SPAG5: variants seen among roughly 807,000 people sequenced by gnomAD.
The protein encoded by SPAG5 is sperm-associated antigen 5.
In SPAG5, 99 loss-of-function variants were observed where a neutral mutation model predicts 145.4. That is an observed-to-expected ratio of 0.68 (90% CI 0.58 to 0.80). The LOEUF (loss-of-function observed/expected upper bound fraction) is 0.80. SPAG5 is among the 30% of genes least tolerant of loss of function. The probability of loss-of-function intolerance (pLI) is 0.00; values close to 1 mark genes in which losing one functional copy is unlikely to be tolerated. For missense variants in SPAG5, 1,192 were observed against 1,416.0 expected (o/e 0.84, Z 2.54); for synonymous variants, 477 against 525.4 (o/e 0.91, Z 1.26).
intron 2 of SPAG5, among the ~76,000 whole-genome samples, chr17:28,595,173 G>C (rs1170741630): frequency 1.3e-5 from 2 of 150,824 alleles, no homozygotes; most frequent in Admixed American, 6.6e-5. Context: ...CAGGAGAATC[G>C]CTTGAATCTG....
chr17:28,584,944 A>G (rs961890214), intron 10 of SPAG5, among the ~76,000 whole-genome samples, 158 bp downstream of exon 10: 2 of 152,250 alleles, frequency 1.3e-5, no homozygotes, highest in Non-Finnish European at 1.5e-5. Flanking sequence ...AGGGCAAAGG[A>G]AAAAACTGCG....
chr17:28,585,979 A>G lies in SPAG5; in HGVS notation c.1625T>C (p.Leu542Ser), dbSNP rs772008513. The change falls in exon 7 of 24, where the codon TTG becomes TCG. Residue 542 changes from leucine (L) to serine (S), a missense_variant. Physicochemically the swap from Leu to Ser is moderately radical, Grantham distance 145. Transcript: ENST00000321765. ...VSQESRRAET[L>S]VCCCFDLLKK... Reference sequence around the variant, plus strand: ...CAGCAAATCAAAACAGCAACAGACCAATGTTTCTGCACGCCGAGACTATAT... The same window carrying G: ...CAGCAAATCAAAACAGCAACAGACCGATGTTTCTGCACGCCGAGACTATAT... 3.9e-5 allele frequency: 63 copies of G among 1,614,112 alleles called. No homozygotes were observed. Among genetic ancestry groups the G allele is most frequent in the Non-Finnish European group, 5.1e-5 (60 of 1,180,048 alleles).
chr17:28,583,821 T>C lies in SPAG5; in HGVS notation c.2546+32A>G, dbSNP rs768920750. The stretch of plus-strand genomic sequence containing the variant: ...TGTTCCTGAGAAAAAAATAAGCACT[T>C]AGGGGGAAGTACAGAAAGTTAGAGA... On this transcript the variant is annotated intron_variant, in intron 14 of 23. Transcript: ENST00000321765. The C allele has an allele frequency of 9.4e-6, 15 of 1,592,416 alleles. No homozygotes were observed. The South Asian group carries it at 1.7e-4, about 18-fold the overall frequency.
intron 2 of SPAG5, among the ~76,000 whole-genome samples, chr17:28,594,675 A>G (rs1409860965): frequency 1.3e-5 from 2 of 152,224 alleles, no homozygotes; most frequent in Admixed American, 1.3e-4. Flanking sequence ...GGTTAGGTTA[A>G]AAAGGGCTTC....
intron 2 of SPAG5, among the ~76,000 whole-genome samples, chr17:28,596,893 G>A (rs561158660): frequency 2.0e-4 from 31 of 151,608 alleles, no homozygotes; most frequent in Non-Finnish European, 3.5e-4. Flanking sequence ...ATCACCTGAG[G>A]TCAGGAGTTC....
Position 28,585,610 on chromosome 17 carries a change from C to T in SPAG5, c.1784G>A (p.Arg595His), listed in dbSNP as rs762760271. ...TAGGTCCTGTTCCAGCTGGCTGATG[C>T]GCTGGCTGGCGTGTGCACAGAAAGC... Reference protein sequence around the residue: ...LEAFCAHASQRISQLEQDLAS... With the variant: ...LEAFCAHASQHISQLEQDLAS... The change falls in exon 8 of 24, where the codon CGC becomes CAC. Residue 595 changes from arginine to histidine, a missense_variant. Physicochemically the swap from Arg to His is conservative, Grantham distance 29. Transcript: ENST00000321765. 11 of 1,614,060 alleles carry T rather than the reference C, an allele frequency of 6.8e-6. No homozygotes were observed. The highest frequency in any genetic ancestry group is 2.2e-5 in the South Asian group (2 of 91,076).
Position 28,592,030 on chromosome 17 carries a change from A to G in SPAG5, c.1214T>C (p.Leu405Pro), listed in dbSNP as rs2070625096. The G allele has an allele frequency of 3.1e-6, 5 of 1,614,066 alleles. No homozygotes were observed. In the Admixed American group the frequency reaches 8.3e-5, roughly 27 times the overall value. ...EKSTNTSQTG[L>P]VGTKHSTSET... ...AGAAGTACTGTGCTTGGTGCCAACC[A>G]GGCCTGTCTGGGATGTGTTTGTACT... is the stretch of plus-strand genomic sequence containing the variant. The change falls in exon 3 of 24, where the codon CTG becomes CCG. Residue 405 changes from leucine (L) to proline (P), a missense_variant. Transcript: ENST00000321765.
chr17:28,579,623 G>T, intron 17 of SPAG5, 128 bp downstream of exon 17: 1 of 1,392,526 alleles, frequency 7.2e-7, no homozygotes, highest in Non-Finnish European at 1.0e-6. Context: ...GATCCCAGAA[G>T]GCAGAAATAA....
intron 23 of SPAG5, 53 bp downstream of exon 23, chr17:28,577,957 G>A (rs1244983084): frequency 6.7e-7 from 1 of 1,482,378 alleles, no homozygotes; most frequent in Non-Finnish European, 9.4e-7. Context: ...TACCTCCTGG[G>A]GCCAGGCCTT....
rs776076105 is a variant in SPAG5 at position 28,584,311 on chromosome 17, C to T, written c.2309+22G>A. ...CCTAAATCCTGGATGCCTACTGCCA[C>T]AGTACCCCGTTAGGAACTCACTGAG... is the stretch of plus-strand genomic sequence containing the variant. On this transcript the variant is annotated intron_variant, in intron 12 of 23. Transcript: ENST00000321765. 3.7e-6 allele frequency: 6 copies of T among 1,614,086 alleles called. No individual in the cohort carries two copies. In the Admixed American group the frequency reaches 8.3e-5, roughly 22 times the overall value.
At chr17:28,583,458 C>G in intron 15 of SPAG5, 53 bp downstream of exon 15, 1 of 1,503,334 alleles carries the variant, frequency 6.7e-7, no homozygotes, top group Non-Finnish European at 8.9e-7. Context: ...GGAAGACTAT[C>G]TGTAAAATAA....
At position 28,584,350 on chromosome 17, in the gene SPAG5, A is replaced by C. The variant is rs765170526; in HGVS notation, c.2292T>G (p.Asn764Lys). ...GAACTCACTGAGCAGCCTGCTCCTC[A>C]TTGCTCTGGGTAAGCTGGCAGAGTA... The part of the protein sequence containing the change: ...DELLCQLTQS[N>K]EEQAAQWQKE... The change falls in exon 12 of 24, where the codon AAT becomes AAG. Residue 764 changes from asparagine (N) to lysine (K), a missense_variant. By Grantham distance (94) the Asn-to-Lys change is moderately conservative (BLOSUM62 0). Coordinates refer to ENST00000321765, the MANE Select transcript of SPAG5 (RefSeq NM_006461.4). The C allele has an allele frequency of 3.1e-6, 5 of 1,614,134 alleles. No individual in the cohort carries two copies. The highest frequency in any genetic ancestry group is 1.7e-5 in the Admixed American group (1 of 60,008).
intron 2 of SPAG5, 82 bp from the exon 3 acceptor site, chr17:28,593,148 CAAAAA>C (rs1461509667): frequency 5.4e-5 from 81 of 1,493,142 alleles, no homozygotes; most frequent in Middle Eastern, 1.8e-4. Context: ...ATAGTGCACT[CAAAAA>C]AGAAAAGAAT....
chr17:28,584,629 T>C (rs1597595433), intron 11 of SPAG5, 23 bp downstream of exon 11: 2 of 1,547,324 alleles, frequency 1.3e-6, no homozygotes, highest in African/African-American at 1.4e-5. Flanking sequence ...CATGCATGCA[T>C]ACACACACAC....
intron 14 of SPAG5, 76 bp downstream of exon 14, chr17:28,583,777 A>T: frequency 1.3e-6 from 2 of 1,557,890 alleles, no homozygotes; most frequent in South Asian, 2.4e-5. Flanking sequence ...CTCTTCTTGG[A>T]GATTTTGGCT....
At chr17:28,582,288 T>G (rs932593635) in intron 15 of SPAG5, among the ~76,000 whole-genome samples, 2 of 152,198 alleles carry the variant, frequency 1.3e-5, no homozygotes, top group African/African-American at 4.8e-5. Context: ...TAACCCAGGT[T>G]TTATAAGGTA....
At chr17:28,587,248 T>TAAA (rs1555536335) in intron 4 of SPAG5, among the ~76,000 whole-genome samples, 2 of 101,164 alleles carry the variant, frequency 2.0e-5, no homozygotes, top group African/African-American at 6.6e-5. Flanking sequence ...ACCCCATCTC[T>TAAA]AAAAAAAAAA....
chr17:28,585,340 G>T lies in SPAG5; in HGVS notation c.1932C>A (p.Asp644Glu). ...TVSLTSTLQQ[D>E]WRSMQLDYTT... The stretch of plus-strand genomic sequence containing the variant: ...TCACATCCAGTTGCATGGACCTCCA[G>T]TCTTGTTGCAAGGTAGAAGTAAGAC... The change falls in exon 9 of 24, where the codon GAC becomes GAA. Residue 644 changes from aspartate (D) to glutamate (E), a missense_variant. Coordinates refer to ENST00000321765, the MANE Select transcript of SPAG5 (RefSeq NM_006461.4). The T allele has an allele frequency of 6.2e-7, 1 of 1,614,198 alleles. No individual in the cohort carries two copies. Among genetic ancestry groups the T allele is most frequent in the Middle Eastern group, 1.6e-4 (1 of 6,062 alleles).
At chr17:28,578,111 A>G (rs1205169925) in intron 22 of SPAG5, 21 bp from the exon 23 acceptor site, 12 of 1,613,034 alleles carry the variant, frequency 7.4e-6, no homozygotes, top group Middle Eastern at 1.6e-4. Flanking sequence ...AACAGATTTT[A>G]TAAGTCCTAT....
Sources: allele counts gnomAD v4.1 joint callset (sites outside exome capture counted in the v4.1 genomes callset), GRCh38; gene constraint gnomAD v4.1.1; transcripts MANE v1.5; gene names NCBI Gene and HGNC (gene_info 2026-07-23, HGNC 2026-07-21).